Variants in DOK6 observed in about 807,000 individuals in gnomAD.
The protein encoded by DOK6 is docking protein 6, also known as downstream of tyrosine kinase 6.
DOK6 carries 22 observed loss-of-function variants against 44.0 expected under a neutral mutation model. That is an observed-to-expected ratio of 0.50 (90% CI 0.36 to 0.71). DOK6 has a LOEUF of 0.71. Among genes scored for constraint, DOK6 ranks in the 30% least tolerant of loss-of-function variants. The probability of loss-of-function intolerance (pLI) is 0.00; values close to 1 mark genes in which losing one functional copy is unlikely to be tolerated. For synonymous variants in DOK6, 166 were observed against 145.5 expected, an observed-to-expected ratio of 1.14 and a Z score of -1.01; for missense variants, 340 against 416.4, an observed-to-expected ratio of 0.82 and a Z score of 1.60.
chr18:69,674,451 C>T (rs1985875552), intron 3 of DOK6, among the ~76,000 whole-genome samples: 2 of 152,120 alleles, frequency 1.3e-5, no homozygotes, highest in South Asian at 4.1e-4. Context: ...CAGGATGTCA[C>T]TCTTGCTACC....
chr18:69,630,484 C>G (rs947905174), intron 3 of DOK6, among the ~76,000 whole-genome samples: 2 of 152,190 alleles, frequency 1.3e-5, no homozygotes, highest in Admixed American at 6.5e-5. Context: ...TATTTCTTCA[C>G]TTTCATTCAT....
At chr18:69,654,093 A>T (rs936976541) in intron 3 of DOK6, among the ~76,000 whole-genome samples, 34 of 152,358 alleles carry the variant, frequency 2.2e-4, no homozygotes, top group African/African-American at 6.5e-4. Context: ...TGAAGATTTG[A>T]TATTGATTAA....
rs890192602 is a variant in DOK6 at position 69,749,813 on chromosome 18, G to A, written c.739-7943G>A. Among the ~76,000 whole-genome samples the A allele has an allele frequency of 3.5e-4, 53 of 151,626 alleles. 1 individual carries two copies. Among genetic ancestry groups the A allele is most frequent in the Admixed American group, 3.1e-3 (47 of 15,208 alleles). ...AAAAATTAGCTGGGCGTGATGGTGC[G>A]CACCTGTAGTGCAGCTACTTGGGAG... On this transcript the variant is annotated intron_variant, in intron 6 of 7. Transcript: ENST00000382713.
In DOK6 at chr18:69,714,758, T is replaced by C. The variant is rs374621959; in HGVS notation, c.599+16165T>C. 1.8e-3 allele frequency among the ~76,000 whole-genome samples: 269 copies of C among 152,372 alleles called. 5 individuals are homozygous for C. Among genetic ancestry groups the C allele is most frequent in the South Asian group, 0.017 (81 of 4,834 alleles). ...AAGGCAATTCACCTTGATCATTAAA[T>C]ATTTAGCAATATTTTCATAAAAGTA... On this transcript the variant is annotated intron_variant, in intron 5 of 7. Transcript: ENST00000382713.
chr18:69,657,731 A>C (rs1390688418), intron 3 of DOK6, among the ~76,000 whole-genome samples: 1 of 152,202 alleles, frequency 6.6e-6, no homozygotes, highest in East Asian at 1.9e-4. Context: ...CTGGCCCAAC[A>C]CAAGAAGGAA....
intron 4 of DOK6, among the ~76,000 whole-genome samples, chr18:69,692,783 T>C (rs1986296618): frequency 6.6e-6 from 1 of 152,228 alleles, no homozygotes; most frequent in African/African-American, 2.4e-5. Context: ...TGAAAAAATA[T>C]GTAAACAAAT....
At chr18:69,446,224 A>C in intron 1 of DOK6, among the ~76,000 whole-genome samples, 1 of 108,510 alleles carries the variant, frequency 9.2e-6, no homozygotes, top group Non-Finnish European at 1.7e-5. Flanking sequence ...ACCCCACGAC[A>C]GGCCCCAGTG....
chr18:69,726,411 C>G (rs1978307744), intron 5 of DOK6, among the ~76,000 whole-genome samples: 1 of 152,088 alleles, frequency 6.6e-6, no homozygotes, highest in Non-Finnish European at 1.5e-5. Context: ...CAGTTTCCGG[C>G]TAAGCATTAA....
chr18:69,815,675 T>A (rs1981378120), intron 7 of DOK6, among the ~76,000 whole-genome samples: 1 of 152,150 alleles, frequency 6.6e-6, no homozygotes, highest in Non-Finnish European at 1.5e-5. Flanking sequence ...CTGTGTGAAA[T>A]TACTTATATT....
chr18:69,811,277 G>A (rs1436109921), intron 7 of DOK6, among the ~76,000 whole-genome samples: 1 of 151,940 alleles, frequency 6.6e-6, no homozygotes, highest in Non-Finnish European at 1.5e-5. Flanking sequence ...GAAGCATAGA[G>A]TCCAGTGGTG....
chr18:69,442,284 C>T (rs532283509), intron 1 of DOK6, among the ~76,000 whole-genome samples: 82 of 152,210 alleles, frequency 5.4e-4, no homozygotes, highest in South Asian at 4.8e-3. Flanking sequence ...GTCCATCTCA[C>T]GCTGCTATAA....
At chr18:69,809,307 C>G (rs1224460624) in intron 7 of DOK6, among the ~76,000 whole-genome samples, 1 of 151,604 alleles carries the variant, frequency 6.6e-6, no homozygotes, top group Non-Finnish European at 1.5e-5. Context: ...TATACCTCAA[C>G]ACAAGAAAGG....
intron 7 of DOK6, among the ~76,000 whole-genome samples, chr18:69,792,998 C>G (rs1980643333): frequency 6.6e-6 from 1 of 152,012 alleles, no homozygotes; most frequent in African/African-American, 2.4e-5. Context: ...AATTTATAGC[C>G]AGTCATCTTC....
At chr18:69,466,018 G>GT (rs1203013594) in intron 1 of DOK6, among the ~76,000 whole-genome samples, 2 of 151,842 alleles carry the variant, frequency 1.3e-5, no homozygotes, top group Non-Finnish European at 2.9e-5. Flanking sequence ...TACTTTTTTT[G>GT]TTGTGAGAAC....
chr18:69,563,657 G>C (rs1020467061), intron 1 of DOK6, among the ~76,000 whole-genome samples: 65 of 130,380 alleles, frequency 5.0e-4, no homozygotes, highest in Non-Finnish European at 7.6e-4. Context: ...GTTGCGGGGT[G>C]GGGGGAGGGG....
intron 5 of DOK6, among the ~76,000 whole-genome samples, chr18:69,734,098 T>C (rs1400170209): frequency 6.6e-6 from 1 of 151,968 alleles, no homozygotes; most frequent in Non-Finnish European, 1.5e-5. Context: ...TTTTTCCCCA[T>C]TTGCTTTCTC....
At chr18:69,469,313 A>T (rs1231332973) in intron 1 of DOK6, among the ~76,000 whole-genome samples, 1 of 152,244 alleles carries the variant, frequency 6.6e-6, no homozygotes, top group Non-Finnish European at 1.5e-5. Context: ...AGTTTAAATA[A>T]GAATGCTTTT....
chr18:69,818,313 A>C (rs1981461604), intron 7 of DOK6, among the ~76,000 whole-genome samples: 1 of 152,192 alleles, frequency 6.6e-6, no homozygotes, highest in Non-Finnish European at 1.5e-5. Context: ...GAGATGGCTG[A>C]GTTTGTTCTC....
At chr18:69,807,145 T>G (rs556596038) in intron 7 of DOK6, among the ~76,000 whole-genome samples, 2 of 151,764 alleles carry the variant, frequency 1.3e-5, no homozygotes, top group South Asian at 4.2e-4. Context: ...ACCTGGGACC[T>G]TGTTAGAACT....
Sources: gnomAD v4.1 joint callset for allele counts (sites outside exome capture counted in the v4.1 genomes callset) on GRCh38, gnomAD v4.1.1 for gene constraint, MANE v1.5 for transcripts, NCBI Gene and HGNC (gene_info 2026-07-23, HGNC 2026-07-21) for gene names.